LAS1L: variants seen among roughly 807,000 people sequenced by gnomAD.
The protein encoded by LAS1L is LAS1 like ribosome biogenesis factor, also known as ribosomal biogenesis protein LAS1L.
Under a neutral mutation model 57.3 loss-of-function variants are expected in LAS1L, and 5 were observed. The ratio of observed to expected loss-of-function variants is 0.09; its 90% CI spans 0.05 to 0.18. The LOEUF is 0.18. LAS1L is among the 10% of genes least tolerant of loss of function. LAS1L has a pLI of 1.00. For synonymous variants in LAS1L, 245 were observed against 231.7 expected (o/e 1.06, Z -0.52); for missense variants, 360 against 568.3 (o/e 0.63, Z 3.73).
chrX:65,527,564 G>C (rs1029810773), intron 7 of LAS1L, among the ~76,000 whole-genome samples: 1 of 106,573 alleles, frequency 9.4e-6, no homozygotes, highest in African/African-American at 3.4e-5. Flanking sequence ...CAGGCACAGT[G>C]GCTCATGCCT....
rs369494568 is a variant in LAS1L, at chrX:65,534,688, C to A, written c.28G>T (p.Gly10Cys). Reference sequence around the variant, plus strand: ...AGATCCATCCCCTGGGAACCTAGACCTGGCCCGGCCCCGGATTCCCACGAC... The same window carrying A: ...AGATCCATCCCCTGGGAACCTAGACATGGCCCGGCCCCGGATTCCCACGAC... Reference protein sequence around the residue: MSWESGAGPGLGSQGMDLVW... With the variant: MSWESGAGPCLGSQGMDLVW... The change falls in exon 1 of 14, where the codon GGT becomes TGT. Residue 10 changes from glycine to cysteine, a missense_variant. Transcript: ENST00000374811. 8.5e-7 allele frequency: 1 copy of A among 1,178,353 alleles called. No individual in the cohort carries two copies. The highest frequency in any genetic ancestry group is 1.9e-5 in the South Asian group (1 of 53,250).
Position 65,534,538 on chromosome X carries a change from A to T in LAS1L, c.178T>A (p.Cys60Ser), listed in dbSNP as rs756870977. 9 of 1,207,508 alleles carry T rather than the reference A, an allele frequency of 7.5e-6. No individual in the cohort carries two copies. The African/African-American group carries it at 1.4e-4, about 19-fold the overall frequency. ...EWDQVTVYLF[C>S]DDHKLQRYAL... ...TACCGCTGCAACTTATGGTCGTCAC[A>T]GAACAGATAAACCGTCACCTGGTCC... The change falls in exon 1 of 14, where the codon TGT becomes AGT. Residue 60 changes from cysteine (C) to serine (S), a missense_variant. By Grantham distance (112) the Cys-to-Ser change is moderately radical (BLOSUM62 -1). Around this residue, in one of 7 missense-constraint regions of LAS1L, gnomAD observed 25 missense variants for 38.2 expected, o/e 0.65. Transcript: ENST00000374811.
At chrX:65,533,207 AG>A (rs1383090083) in intron 2 of LAS1L, among the ~76,000 whole-genome samples, 1 of 110,867 alleles carries the variant, frequency 9.0e-6, no homozygotes, top group Admixed American at 9.6e-5. Flanking sequence ...GGGTAGTGCT[AG>A]GAATAGACAG....
chrX:65,531,527 C>T, intron 3 of LAS1L, 89 bp from the exon 4 acceptor site: 1 of 602,061 alleles, frequency 1.7e-6, no homozygotes, highest in South Asian at 3.1e-5. Flanking sequence ...CTGACCACCT[C>T]CTGCCCCATT....
At chrX:65,528,487 C>T (rs2069288751) in intron 6 of LAS1L, 118 bp from the exon 7 acceptor site, 8 of 440,731 alleles carry the variant, frequency 1.8e-5, no homozygotes, top group Non-Finnish European at 3.1e-5. Flanking sequence ...CAGGGCAGGG[C>T]ATGCAGGGGG....
At position 65,525,452 on chromosome X, in the gene LAS1L, T is replaced by C. The variant is rs190426186; in HGVS notation, c.957-402A>G. On this transcript the variant is annotated intron_variant, in intron 7 of 13. Coordinates refer to ENST00000374811, the MANE Select transcript of LAS1L (RefSeq NM_031206.7). ...ACTCAGTTCTTGCAGTCTGTTTATC[T>C]TGACCATTCTTCAGTACCCTACCCC... Among the ~76,000 whole-genome samples, 48 of 111,426 alleles carry C rather than the reference T, an allele frequency of 4.3e-4. No individual in the cohort carries two copies. In the East Asian group the frequency reaches 9.6e-3, roughly 22 times the overall value.
intron 7 of LAS1L, among the ~76,000 whole-genome samples, chrX:65,525,748 C>CAAAAAAAAAAAAAAAAAAAAAAAAA (rs772564998): frequency 1.6e-4 from 6 of 38,229 alleles, no homozygotes; most frequent in African/African-American, 5.7e-4. Flanking sequence ...TCTGATTTTT[C>CAAAAAAAAAAAAAAAAAAAAAAAAA]AAAAAAAAAA....
chrX:65,528,973 G>C (rs2069323868), intron 6 of LAS1L, among the ~76,000 whole-genome samples: 1 of 112,105 alleles, frequency 8.9e-6, no homozygotes, highest in Admixed American at 9.4e-5. Context: ...CCACCCAGTG[G>C]GGCAGATTAT....
rs186130633 is a variant in LAS1L at position 65,524,242 on chromosome X, C to T, written c.1114G>A (p.Val372Ile). The T allele has an allele frequency of 3.9e-4, 473 of 1,207,659 alleles. 2 individuals are homozygous for T. Among genetic ancestry groups the T allele is most frequent in the South Asian group, 2.7e-4 (15 of 56,354 alleles). ...TGAGAGAACGGCTTTGGCACCAGGACGTCATTCAAGTCCACGTTTTCTGGT... is the reference window on the plus strand; with the variant it reads ...TGAGAGAACGGCTTTGGCACCAGGATGTCATTCAAGTCCACGTTTTCTGGT... Reference protein sequence around the residue: ...KSHKNVDLNDVLVPKPFSQFW... With the variant: ...KSHKNVDLNDILVPKPFSQFW... The change falls in exon 10 of 14, where the codon GTC (valine) becomes ATC (isoleucine). Residue 372 changes from valine (V) to isoleucine (I), a missense_variant. Around this residue, in one of 7 missense-constraint regions of LAS1L, gnomAD observed 81 missense variants for 192.1 expected, o/e 0.42. Transcript: ENST00000374811.
chrX:65,520,244 G>A (rs1408203120), intron 11 of LAS1L, among the ~76,000 whole-genome samples: 1 of 111,376 alleles, frequency 9.0e-6, no homozygotes, highest in African/African-American at 3.3e-5. Flanking sequence ...ACACCACCTG[G>A]GCCAAGATCC....
intron 6 of LAS1L, 132 bp from the exon 7 acceptor site, chrX:65,528,501 C>G (rs1022324188): frequency 3.7e-5 from 16 of 431,910 alleles, no homozygotes; most frequent in Admixed American, 1.2e-4. Context: ...CAGGGGGGGG[C>G]CCACAACTCC....
Position 65,533,743 on chromosome X carries a change from G to A in LAS1L, c.237-8C>T, listed in dbSNP as rs1374374951. 4 of 1,208,542 alleles carry A rather than the reference G, an allele frequency of 3.3e-6. No individual in the cohort carries two copies. The highest frequency in any genetic ancestry group is 4.5e-6 in the Non-Finnish European group (4 of 894,341). On this transcript the variant is annotated splice_region_variant and splice_polypyrimidine_tract_variant and intron_variant, in intron 1 of 13. Transcript: ENST00000374811. ...GGGAGTTCGTTGCCTGACCTAAAGG[G>A]TCACAGTCCAGCACCATCATAAAGA...
intron 13 of LAS1L, 86 bp downstream of exon 13, chrX:65,514,737 T>C: frequency 2.1e-6 from 2 of 956,124 alleles, no homozygotes; most frequent in East Asian, 7.3e-5. Flanking sequence ...GACAGCTACC[T>C]CCCCCACCCA....
At chrX:65,514,312 G>C (rs946528292) in intron 13 of LAS1L, among the ~76,000 whole-genome samples, 2 of 111,026 alleles carry the variant, frequency 1.8e-5, no homozygotes, top group Non-Finnish European at 3.8e-5. Flanking sequence ...GCCCCGTGCA[G>C]GCCTTGCTAC....
At chrX:65,517,308 C>T (rs5964983) in intron 12 of LAS1L, among the ~76,000 whole-genome samples, 12,159 of 103,290 alleles carry the variant, frequency 0.12, 2,034 homozygotes, top group African/African-American at 0.42. Context: ...AGTGCAGTGG[C>T]GCGATCTCGG....
chrX:65,533,572 CA>C (rs760410136), intron 2 of LAS1L, 37 bp downstream of exon 2: 59 of 1,199,561 alleles, frequency 4.9e-5, no homozygotes, highest in Middle Eastern at 2.3e-4. Flanking sequence ...CTCCAGTCCC[CA>C]AAGCCAACCT....
At chrX:65,515,940 C>T (rs2068612549) in intron 12 of LAS1L, among the ~76,000 whole-genome samples, 1 of 112,027 alleles carries the variant, frequency 8.9e-6, no homozygotes, top group Admixed American at 9.4e-5. Flanking sequence ...CATCCCCCAT[C>T]CCTCTCTGTC....
intron 4 of LAS1L, among the ~76,000 whole-genome samples, chrX:65,530,770 C>T (rs1001867091): frequency 2.9e-4 from 30 of 104,614 alleles, no homozygotes; most frequent in Non-Finnish European, 5.1e-4. Flanking sequence ...ACTGAGATTG[C>T]GCCACTGCAC....
chrX:65,514,978 G>A lies in LAS1L; in HGVS notation c.1928-5C>T. 1 of 1,203,126 alleles carries A rather than the reference G, an allele frequency of 8.3e-7. No homozygotes were observed. Among genetic ancestry groups the A allele is most frequent in the Non-Finnish European group, 1.1e-6 (1 of 890,377 alleles). The stretch of plus-strand genomic sequence containing the variant: ...ATGTGTCCCATCGCACGTCTTCTGT[G>A]GAGCAAAGGGAAGTGGCAAGACTGG... On this transcript the variant is annotated splice_region_variant and splice_polypyrimidine_tract_variant and intron_variant, in intron 12 of 13. Coordinates refer to ENST00000374811, the MANE Select transcript of LAS1L (RefSeq NM_031206.7).
Sources: gnomAD v4.1 joint callset for allele counts (sites outside exome capture counted in the v4.1 genomes callset) on GRCh38, gnomAD v4.1.1 for gene constraint, gnomAD v4.1.1 regional missense constraint, MANE v1.5 for transcripts, NCBI Gene and HGNC (gene_info 2026-07-23, HGNC 2026-07-21) for gene names.